The following ARHGAP24 variants were observed in gnomAD, a reference collection of about 807,000 sequenced individuals.
The protein encoded by ARHGAP24 is rho GTPase-activating protein 24.
In ARHGAP24, 50 loss-of-function variants were observed where a neutral mutation model predicts 76.4. The observed-to-expected ratio is 0.65, with a 90% CI of 0.52 to 0.83. The LOEUF is 0.83. Among genes scored for constraint, ARHGAP24 ranks in the 40% least tolerant of loss-of-function variants. The pLI is 0.00. For missense variants in ARHGAP24, 930 were observed against 914.2 expected (o/e 1.02, Z -0.22); for synonymous variants, 345 against 323.3 (o/e 1.07, Z -0.72).
chr4:85,787,101 C>A (rs1196837500), intron 3 of ARHGAP24, among the ~76,000 whole-genome samples: 1 of 152,184 alleles, frequency 6.6e-6, no homozygotes, highest in Non-Finnish European at 1.5e-5. Flanking sequence ...GGTCTTGTTA[C>A]AAATGTGGAC....
Position 85,785,493 on chromosome 4 carries a change from G to A in ARHGAP24, c.268+63521G>A, listed in dbSNP as rs144505545. Among the ~76,000 whole-genome samples the A allele has an allele frequency of 3.8e-4, 58 of 151,576 alleles. No homozygotes were observed. The East Asian group carries it at 0.01, about 27-fold the overall frequency. On this transcript the variant is annotated intron_variant, in intron 3 of 9. Coordinates refer to ENST00000395184, the MANE Select transcript of ARHGAP24 (RefSeq NM_001025616.3). ...TTTTTGTTGTTGTTGTTGTTATTTT[G>A]TTTTGTTTTGTTTTTTTAAGAAAGA...
intron 6 of ARHGAP24, chr4:85,972,418 T>C: frequency 2.0e-6 from 1 of 496,690 alleles, no homozygotes; most frequent in South Asian, 2.1e-5. Context: ...TTTCCCTAAA[T>C]GATAAATGCA....
chr4:85,978,419 A>G lies in ARHGAP24; in HGVS notation c.928+728A>G, dbSNP rs140226541. Among the ~76,000 whole-genome samples the G allele has an allele frequency of 5.5e-4, 84 of 152,306 alleles. 1 individual carries two copies. Among genetic ancestry groups the G allele is most frequent in the African/African-American group, 1.9e-3 (80 of 41,574 alleles). ...TACCGTTCCTTTCCTTAAAATTCCA[A>G]TATTTTCATTTTTTTAGATCTTACG... On this transcript the variant is annotated intron_variant, in intron 8 of 9. Transcript: ENST00000395184.
intron 3 of ARHGAP24, among the ~76,000 whole-genome samples, chr4:85,922,813 G>C (rs928963690): frequency 1.3e-5 from 2 of 152,146 alleles, no homozygotes; most frequent in African/African-American, 4.8e-5. Flanking sequence ...ACTTAAATGC[G>C]CTATAAAAGA....
intron 4 of ARHGAP24, among the ~76,000 whole-genome samples, chr4:85,929,074 T>A (rs1190300689): frequency 6.6e-6 from 1 of 152,220 alleles, no homozygotes; most frequent in Middle Eastern, 3.2e-3. Context: ...ATGCTTTCAC[T>A]TCCTGTGAAA....
intron 4 of ARHGAP24, among the ~76,000 whole-genome samples, chr4:85,933,987 A>C (rs972181866): frequency 6.6e-6 from 1 of 152,026 alleles, no homozygotes; most frequent in Non-Finnish European, 1.5e-5. Flanking sequence ...CATTTCCATC[A>C]CCTTAGCTCT....
Position 85,789,113 on chromosome 4 carries a change from T to C in ARHGAP24, c.268+67141T>C, listed in dbSNP as rs144812758. ...AAGGCACAATTAGAATGTTGGAACT[T>C]TCAGTCCCAGCACTCAACCTCCAGA... On this transcript the variant is annotated intron_variant, in intron 3 of 9. Transcript: ENST00000395184. Among the ~76,000 whole-genome samples, 6 of 151,994 alleles carry C rather than the reference T, an allele frequency of 3.9e-5. No individual in the cohort carries two copies. The East Asian group carries it at 1.2e-3, about 29-fold the overall frequency.
At chr4:85,938,698 A>T (rs1349059665) in intron 4 of ARHGAP24, among the ~76,000 whole-genome samples, 2 of 152,204 alleles carry the variant, frequency 1.3e-5, no homozygotes, top group East Asian at 3.8e-4. Context: ...ATTTTAAATC[A>T]TATGTACATG....
At chr4:85,655,928 G>C (rs1486021442) in intron 2 of ARHGAP24, among the ~76,000 whole-genome samples, 1 of 151,504 alleles carries the variant, frequency 6.6e-6, no homozygotes, top group Non-Finnish European at 1.5e-5. Flanking sequence ...TTCTCTATGA[G>C]AATAAAATAA....
intron 3 of ARHGAP24, among the ~76,000 whole-genome samples, chr4:85,835,417 A>G (rs1006874575): frequency 1.3e-5 from 2 of 151,650 alleles, no homozygotes; most frequent in East Asian, 2.0e-4. Context: ...AAAATTAGCC[A>G]GGCGTGGTGG....
At chr4:85,952,051 T>G (rs1264070029) in intron 5 of ARHGAP24, among the ~76,000 whole-genome samples, 8 of 152,160 alleles carry the variant, frequency 5.3e-5, no homozygotes, top group African/African-American at 1.7e-4. Flanking sequence ...CAATTTAGAA[T>G]ATGGAAGAAT....
At chr4:85,921,340 A>G (rs1189639556) in intron 3 of ARHGAP24, among the ~76,000 whole-genome samples, 1 of 152,196 alleles carries the variant, frequency 6.6e-6, no homozygotes, top group Non-Finnish European at 1.5e-5. Context: ...GTGAGAACAC[A>G]TAGGCACATA....
At chr4:85,727,264 G>A (rs575346440) in intron 3 of ARHGAP24, among the ~76,000 whole-genome samples, 1 of 152,122 alleles carries the variant, frequency 6.6e-6, no homozygotes, top group Admixed American at 6.5e-5. Flanking sequence ...TCTGAAATAT[G>A]AGCATGTGAA....
intron 2 of ARHGAP24, among the ~76,000 whole-genome samples, chr4:85,685,972 A>C (rs1040031205): frequency 6.6e-6 from 1 of 152,182 alleles, no homozygotes; most frequent in Non-Finnish European, 1.5e-5. Context: ...GATCTAAGAG[A>C]GCTTCACTCA....
At chr4:85,688,376 A>T (rs1046728465) in intron 2 of ARHGAP24, among the ~76,000 whole-genome samples, 5 of 152,064 alleles carry the variant, frequency 3.3e-5, no homozygotes, top group African/African-American at 1.2e-4. Flanking sequence ...TCTTCTTTTG[A>T]GAAGCTGCTT....
chr4:85,654,053 A>G (rs1722044267), intron 2 of ARHGAP24, among the ~76,000 whole-genome samples: 1 of 152,152 alleles, frequency 6.6e-6, no homozygotes, highest in African/African-American at 2.4e-5. Flanking sequence ...TACACTAGTC[A>G]TTTAAACACA....
chr4:85,599,016 C>T (rs1719941365), intron 2 of ARHGAP24, among the ~76,000 whole-genome samples: 1 of 151,942 alleles, frequency 6.6e-6, no homozygotes, highest in South Asian at 2.1e-4. Flanking sequence ...GTACTGACTT[C>T]AAAATCTATG....
intron 1 of ARHGAP24, among the ~76,000 whole-genome samples, chr4:85,483,860 C>T (rs1415612730): frequency 2.0e-5 from 3 of 152,264 alleles, no homozygotes; most frequent in South Asian, 4.1e-4. Flanking sequence ...TACTGAGCCC[C>T]ACCCAGGACC....
At chr4:85,635,270 A>G (rs1721280509) in intron 2 of ARHGAP24, among the ~76,000 whole-genome samples, 1 of 145,824 alleles carries the variant, frequency 6.9e-6, no homozygotes, top group African/African-American at 2.5e-5. Flanking sequence ...TGCCATAGTT[A>G]CCCACTTTTT....
Sources: gnomAD v4.1 joint callset for allele counts (sites outside exome capture counted in the v4.1 genomes callset) on GRCh38, gnomAD v4.1.1 for gene constraint, MANE v1.5 for transcripts, NCBI Gene and HGNC (gene_info 2026-07-23, HGNC 2026-07-21) for gene names.